The following ZNF493 variants were observed in gnomAD, a reference collection of about 807,000 sequenced individuals.
The protein encoded by ZNF493 is zinc finger protein 493.
In ZNF493, 11 loss-of-function variants were observed where a neutral mutation model predicts 12.2. That is an observed-to-expected ratio of 0.90 (90% CI 0.57 to 1.50). The LOEUF (loss-of-function observed/expected upper bound fraction) is 1.50, where lower values mean the gene tolerates loss of function less well. Among genes scored for constraint, ZNF493 ranks in the 40% most tolerant of loss-of-function variants. The pLI is 0.00. For synonymous variants in ZNF493, 286 were observed against 302.6 expected (o/e 0.95, Z 0.57); for missense variants, 950 against 906.6 (o/e 1.05, Z -0.61).
In ZNF493 at chr19:21,397,221, G is replaced by C; in HGVS notation, c.-17G>C. On this transcript the variant is annotated 5_prime_UTR_variant, in exon 1 of 4. Coordinates refer to ENST00000392288, the MANE Select transcript of ZNF493 (RefSeq NM_001076678.3). ...GTGGCTTCGTGACCTGAAGATACTG[G>C]GAAATCCATAGCTAAGATGCCAGGA... The C allele has an allele frequency of 5.6e-6, 9 of 1,614,212 alleles. No homozygotes were observed. Among genetic ancestry groups the C allele is most frequent in the Non-Finnish European group, 7.6e-6 (9 of 1,180,016 alleles).
chr19:21,408,455 A>G, intron 3 of ZNF493: 1 of 984,880 alleles, frequency 1.0e-6, no homozygotes, highest in Non-Finnish European at 1.2e-6. Flanking sequence ...TGCTTATTAA[A>G]AGTTTCTCAT....
chr19:21,401,926 G>A (rs753024363), intron 1 of ZNF493, among the ~76,000 whole-genome samples: 3 of 150,754 alleles, frequency 2.0e-5, no homozygotes, highest in Admixed American at 6.6e-5. Context: ...CACCATGCCC[G>A]GTCAGCTATT....
intron 3 of ZNF493, chr19:21,412,220 A>G (rs1037473916): frequency 1.3e-5 from 2 of 152,206 alleles, no homozygotes; most frequent in Non-Finnish European, 2.9e-5. Context: ...GATTAACTAA[A>G]AGTATCCCTT....
chr19:21,412,350 A>C (rs1232173380), intron 3 of ZNF493: 1 of 152,338 alleles, frequency 6.6e-6, no homozygotes, highest in African/African-American at 2.4e-5. Flanking sequence ...GAATGCCTTT[A>C]AGTGGTCTTC....
chr19:21,408,299 G>A (rs1383299738), intron 3 of ZNF493: 1 of 612,756 alleles, frequency 1.6e-6, no homozygotes, highest in Non-Finnish European at 2.0e-6. Flanking sequence ...CTAATTTTTT[G>A]TGTGTTTTTA....
intron 1 of ZNF493, among the ~76,000 whole-genome samples, chr19:21,404,533 G>C (rs901115309): frequency 6.6e-6 from 1 of 152,160 alleles, no homozygotes; most frequent in Non-Finnish European, 1.5e-5. Flanking sequence ...GGTTTTCCTT[G>C]CATTTATCTG....
At chr19:21,399,787 G>A (rs926116297) in intron 1 of ZNF493, among the ~76,000 whole-genome samples, 2 of 152,084 alleles carry the variant, frequency 1.3e-5, no homozygotes, top group Admixed American at 1.3e-4. Flanking sequence ...AGAAAAAGGA[G>A]AGAAAAAATC....
Position 21,405,850 on chromosome 19 carries a change from C to G in ZNF493, c.247C>G (p.Pro83Ala), listed in dbSNP as rs1032665819. 6.4e-7 allele frequency: 1 copy of G among 1,568,628 alleles called. No individual in the cohort carries two copies. Among genetic ancestry groups the G allele is most frequent in the African/African-American group, 1.4e-5 (1 of 72,628 alleles). Residue 83 changes from proline to alanine, a missense_variant, in exon 3 of 4, where the codon CCC becomes GCC. Physicochemically the swap from Pro to Ala is conservative, Grantham distance 27. Coordinates refer to ENST00000392288, the MANE Select transcript of ZNF493 (RefSeq NM_001076678.3). ...GAAGGGACACAGTACGGTAGTCAAACCCCCAGGTAGGTGAGAGTGAATGAA... is the reference window on the plus strand; with the variant it reads ...GAAGGGACACAGTACGGTAGTCAAAGCCCCAGGTAGGTGAGAGTGAATGAA... Reference protein sequence around the residue: ...NMKGHSTVVKPPVICSHFAED... With the variant: ...NMKGHSTVVKAPVICSHFAED...
intron 3 of ZNF493, among the ~76,000 whole-genome samples, chr19:21,411,315 T>C (rs902898435): frequency 6.6e-6 from 1 of 152,186 alleles, no homozygotes; most frequent in African/African-American, 2.4e-5. Context: ...TGTGTAAGTA[T>C]CACACTTTTT....
At position 21,422,921 on chromosome 19, in the gene ZNF493, T is replaced by C. The variant is rs375334174; in HGVS notation, c.262T>C (p.Ser88Pro). 4.3e-5 allele frequency: 66 copies of C among 1,552,126 alleles called. No homozygotes were observed. The Middle Eastern group carries it at 7.0e-4, about 16-fold the overall frequency. The change falls in exon 4 of 4, where the codon TCT becomes CCT. Residue 88 changes from serine to proline, a missense_variant. Transcript: ENST00000392288. ...ATTTTTATTTCTTTCAGTTATATGT[T>C]CTCATTTTGCTGAAGACTTTTGCCC... ...STVVKPPVICSHFAEDFCPGP... is the reference protein window; with the variant it reads ...STVVKPPVICPHFAEDFCPGP...
rs541296046 is a variant in ZNF493 at position 21,423,954 on chromosome 19, C to T, written c.1295C>T (p.Pro432Leu). 4.3e-6 allele frequency: 7 copies of T among 1,613,236 alleles called. No individual in the cohort carries two copies. In the East Asian group the frequency reaches 1.6e-4, roughly 36 times the overall value. ...THKRIHTGEK[P>L]YKCEECGKTF... Reference sequence around the variant, plus strand: ...AAAAGAATTCATACTGGAGAGAAACCCTACAAATGTGAAGAATGTGGCAAA... The same window carrying T: ...AAAAGAATTCATACTGGAGAGAAACTCTACAAATGTGAAGAATGTGGCAAA... The change falls in exon 4 of 4, where the codon CCC becomes CTC. Residue 432 changes from proline to leucine, a missense_variant. By Grantham distance (98) the Pro-to-Leu change is moderately conservative. Transcript: ENST00000392288.
intron 1 of ZNF493, among the ~76,000 whole-genome samples, chr19:21,402,092 C>T (rs1337361365): frequency 1.3e-5 from 2 of 152,006 alleles, no homozygotes; most frequent in African/African-American, 2.4e-5. Flanking sequence ...CTCAGCCTCC[C>T]GAGTAGCTGG....
intron 3 of ZNF493, among the ~76,000 whole-genome samples, chr19:21,411,356 CAG>C (rs1392273033): frequency 2.0e-5 from 3 of 152,078 alleles, no homozygotes; most frequent in Non-Finnish European, 2.9e-5. Context: ...GTTTTGAAAT[CAG>C]AAAGTATAAT....
chr19:21,403,269 T>C (rs1326387065), intron 1 of ZNF493, among the ~76,000 whole-genome samples: 1 of 152,206 alleles, frequency 6.6e-6, no homozygotes, highest in Non-Finnish European at 1.5e-5. Context: ...GATAGATTCA[T>C]GAGAGTTAAG....
At chr19:21,417,187 G>T (rs1280657961) in intron 3 of ZNF493, among the ~76,000 whole-genome samples, 1 of 152,158 alleles carries the variant, frequency 6.6e-6, no homozygotes, top group African/African-American at 2.4e-5. Context: ...TTCAGACTCA[G>T]TAGTTTTCTT....
At chr19:21,405,642 T>C (rs2030095691) in intron 2 of ZNF493, 119 bp from the exon 3 acceptor site, 2 of 1,094,370 alleles carry the variant, frequency 1.8e-6, no homozygotes, top group Non-Finnish European at 1.2e-6. Context: ...TGTCATTAAA[T>C]AGTATTTTGG....
chr19:21,425,531 G>C lies in ZNF493; in HGVS notation c.*547G>C. ...CTGGAGAGAAAACCTACAAATGTGA[G>C]GAATGTGGCAAAGCCTTTAGCCTGT... On this transcript the variant is annotated 3_prime_UTR_variant, in exon 4 of 4. Transcript: ENST00000392288. 1 of 518,430 alleles carries C rather than the reference G, an allele frequency of 1.9e-6. No individual in the cohort carries two copies. The highest frequency in any genetic ancestry group is 3.8e-6 in the Non-Finnish European group (1 of 264,654). 32.1% of individuals were successfully genotyped at this position (518,430 alleles called of 1,614,324 possible).
intron 3 of ZNF493, chr19:21,413,696 A>G (rs1599374614): frequency 5.0e-6 from 2 of 398,104 alleles, no homozygotes; most frequent in East Asian, 7.5e-5. Flanking sequence ...GCCTGGAGGA[A>G]CACAAGCATA....
Position 21,425,416 on chromosome 19 carries a change from T to C in ZNF493, c.*432T>C, listed in dbSNP as rs1599383597. ...TTATACCTTACTAAACATAAAATAA[T>C]TCATAAAGGAGATAAATTATACAAA... On this transcript the variant is annotated 3_prime_UTR_variant, in exon 4 of 4. Coordinates refer to ENST00000392288, the MANE Select transcript of ZNF493 (RefSeq NM_001076678.3). The C allele has an allele frequency of 1.1e-5, 5 of 436,376 alleles. No individual in the cohort carries two copies. In the East Asian group the frequency reaches 1.9e-4, roughly 17 times the overall value. The allele number at this position is 436,376 out of a possible 1,614,324, so 27.0% of individuals were successfully genotyped here. A position where few individuals can be genotyped will look rare whatever the true frequency, so the allele number is the denominator to read the frequency against.
Sources: gnomAD v4.1 joint callset for allele counts (sites outside exome capture counted in the v4.1 genomes callset) on GRCh38, gnomAD v4.1.1 for gene constraint, MANE v1.5 for transcripts, NCBI Gene and HGNC (gene_info 2026-07-23, HGNC 2026-07-21) for gene names.